Variants in MEOX1 observed in about 807,000 individuals in gnomAD.
MEOX1 encodes the protein mesenchyme homeobox 1.
A neutral mutation model predicts 23.2 loss-of-function variants in MEOX1; 17 were observed. That is an observed-to-expected ratio of 0.73 (90% confidence interval 0.50 to 1.10). The LOEUF (loss-of-function observed/expected upper bound fraction) is 1.10, where lower values mean the gene tolerates loss of function less well. Among genes scored for constraint, MEOX1 ranks in the 50% least tolerant of loss-of-function variants. The pLI is 0.00. For missense variants in MEOX1, 333 were observed against 332.2 expected (o/e 1.00, Z -0.02); for synonymous variants, 134 against 135.1 (o/e 0.99, Z 0.06).
intron 1 of MEOX1, among the ~76,000 whole-genome samples, chr17:43,654,581 AAGGCCG>A (rs911979053): frequency 3.3e-5 from 5 of 152,042 alleles, no homozygotes. Context: ...AGCACTTTGG[AAGGCCG>A]AGGCAGGAGG....
Position 43,650,514 on chromosome 17 carries a change from C to T in MEOX1, c.470-6854G>A, listed in dbSNP as rs376443856. Among the ~76,000 whole-genome samples, 5 of 152,292 alleles carry T rather than the reference C, an allele frequency of 3.3e-5. No homozygotes were observed. In the South Asian group the frequency reaches 8.3e-4, roughly 25 times the overall value. ...CCTGGGACCAGTCTAGGGCTATAGC[C>T]TCATGTCACGCTGCCCTCGGGGGAG... On this transcript the variant is annotated intron_variant, in intron 1 of 2. Coordinates refer to ENST00000318579, the MANE Select transcript of MEOX1 (RefSeq NM_004527.4).
At position 43,661,544 on chromosome 17, in the gene MEOX1, G is replaced by T. The variant is rs781618038; in HGVS notation, c.-10C>A. 3.4e-6 allele frequency: 5 copies of T among 1,486,066 alleles called. No individual in the cohort carries two copies. The highest frequency in any genetic ancestry group is 2.8e-5 in the African/African-American group (2 of 70,836). 92.1% of individuals were successfully genotyped at this position (1,486,066 alleles called of 1,614,324 possible). On this transcript the variant is annotated 5_prime_UTR_variant, in exon 1 of 3. Coordinates refer to ENST00000318579, the MANE Select transcript of MEOX1 (RefSeq NM_004527.4). Reference sequence around the variant, plus strand: ...TGGCCGCGGGATCCATCTGCTGTCCGCTGCACGCCTCGGTCCTTTCAAAGA... The same window carrying T: ...TGGCCGCGGGATCCATCTGCTGTCCTCTGCACGCCTCGGTCCTTTCAAAGA...
chr17:43,660,656 C>G (rs530815531), intron 1 of MEOX1, among the ~76,000 whole-genome samples: 2 of 152,322 alleles, frequency 1.3e-5, no homozygotes, highest in African/African-American at 4.8e-5. Flanking sequence ...CTGAACTTCC[C>G]TGGTAAGCGA....
At position 43,660,506 on chromosome 17, in the gene MEOX1, T is replaced by A. The variant is rs1391029621; in HGVS notation, c.469+560A>T. Among the ~76,000 whole-genome samples the A allele has an allele frequency of 2.6e-5, 4 of 151,888 alleles. No homozygotes were observed. In the South Asian group the frequency reaches 8.3e-4, roughly 32 times the overall value. On this transcript the variant is annotated intron_variant, in intron 1 of 2. Transcript: ENST00000318579. Reference sequence around the variant, plus strand: ...CTGCCCCAAACCTCAGCCCTCCATCTCCCCCTCACCCCTTGATTCTCCCAT... The same window carrying A: ...CTGCCCCAAACCTCAGCCCTCCATCACCCCCTCACCCCTTGATTCTCCCAT...
intron 1 of MEOX1, among the ~76,000 whole-genome samples, chr17:43,644,924 A>T (rs1262468373): frequency 6.6e-6 from 1 of 152,126 alleles, no homozygotes; most frequent in Non-Finnish European, 1.5e-5. Flanking sequence ...TTGAAAAAAA[A>T]ATTTAGGAAG....
chr17:43,644,520 A>T (rs1249931004), intron 1 of MEOX1, among the ~76,000 whole-genome samples: 1 of 152,264 alleles, frequency 6.6e-6, no homozygotes. Context: ...TTTATGGACC[A>T]GAAAACGAAC....
chr17:43,642,880 G>A (rs9894649), intron 2 of MEOX1, among the ~76,000 whole-genome samples: 17,110 of 152,198 alleles, frequency 0.11, 2,282 homozygotes, highest in African/African-American at 0.32. Flanking sequence ...TTTGGGAATA[G>A]CCAGACCGTA....
intron 1 of MEOX1, among the ~76,000 whole-genome samples, chr17:43,657,055 T>TTTCTTTCTTTCC (rs777740594): frequency 1.0e-3 from 139 of 136,426 alleles, no homozygotes; most frequent in South Asian, 3.0e-3. Context: ...TCTTTCTTTC[T>TTTCTTTCTTTCC]TTCCTTCCTT....
At chr17:43,657,205 G>A (rs1286973862) in intron 1 of MEOX1, among the ~76,000 whole-genome samples, 16 of 106,968 alleles carry the variant, frequency 1.5e-4, no homozygotes, top group African/African-American at 5.1e-4. Context: ...GTCCCGCTCT[G>A]TCACCCAGGC....
intron 1 of MEOX1, among the ~76,000 whole-genome samples, chr17:43,653,414 ACAGGCGTGAGCCACCGCATCCAG>A (rs1333646646): frequency 6.6e-6 from 1 of 152,056 alleles, no homozygotes; most frequent in Non-Finnish European, 1.5e-5. Flanking sequence ...AGCTGGGATT[ACAGGCGTGAGCCACCGCATCCAG>A]CCCATGCCTC....
In MEOX1 at chr17:43,641,570, A is replaced by T; in HGVS notation, c.*340T>A. On this transcript the variant is annotated 3_prime_UTR_variant, in exon 3 of 3. Coordinates refer to ENST00000318579, the MANE Select transcript of MEOX1 (RefSeq NM_004527.4). ...CAGGAGGAGGCCTGGCTGACCTAGG[A>T]GAACAGCGGTAGGAGGAGGCATGGG... is the stretch of plus-strand genomic sequence containing the variant. The T allele has an allele frequency of 5.2e-6, 1 of 191,336 alleles. No individual in the cohort carries two copies. Among genetic ancestry groups the T allele is most frequent in the Non-Finnish European group, 1.1e-5 (1 of 92,748 alleles). 11.9% of individuals were successfully genotyped at this position (191,336 alleles called of 1,614,324 possible). A position where few individuals can be genotyped will look rare whatever the true frequency, so the allele number is the denominator to read the frequency against.
At chr17:43,648,386 A>G (rs913007888) in intron 1 of MEOX1, among the ~76,000 whole-genome samples, 8 of 151,522 alleles carry the variant, frequency 5.3e-5, no homozygotes, top group African/African-American at 1.7e-4. Context: ...GGAGAATGGC[A>G]TGAACCTGGG....
chr17:43,661,660 A>G lies in MEOX1; in HGVS notation c.-126T>C. On this transcript the variant is annotated 5_prime_UTR_variant, in exon 1 of 3. Coordinates refer to ENST00000318579, the MANE Select transcript of MEOX1 (RefSeq NM_004527.4). Reference sequence around the variant, plus strand: ...GGGAAAAATGTTCAACAGAAAATTTACCCCAGGAACCAAAAAAAAAAAAAA... The same window carrying G: ...GGGAAAAATGTTCAACAGAAAATTTGCCCCAGGAACCAAAAAAAAAAAAAA... 1 of 526,354 alleles carries G rather than the reference A, an allele frequency of 1.9e-6. No individual in the cohort carries two copies. The allele number at this position is 526,354 out of a possible 1,614,324, so 32.6% of individuals were successfully genotyped here. A position where few individuals can be genotyped will look rare whatever the true frequency, so the allele number is the denominator to read the frequency against.
chr17:43,657,000 CTTTCTTTCTTTCTCTTTCTTTCTT>C (rs1567748184), intron 1 of MEOX1, among the ~76,000 whole-genome samples: 9 of 122,098 alleles, frequency 7.4e-5, no homozygotes, highest in African/African-American at 3.7e-4. Context: ...CTTTCTTTTT[CTTTCTTTCTTTCTCTTTCTTTCTT>C]TCTTTCTTTC....
At position 43,661,823 on chromosome 17, in the gene MEOX1, T is replaced by G. The variant is rs1035945445; in HGVS notation, c.-289A>C. ...CTACTGGGATCCCCTGTATGTGTAT[T>G]TGTCGCCAATGACACTAAACATTTT... is the stretch of plus-strand genomic sequence containing the variant. On this transcript the variant is annotated 5_prime_UTR_variant, in exon 1 of 3. Coordinates refer to ENST00000318579, the MANE Select transcript of MEOX1 (RefSeq NM_004527.4). The G allele has an allele frequency of 6.0e-6, 2 of 335,632 alleles. No homozygotes were observed. The highest frequency in any genetic ancestry group is 4.2e-5 in the African/African-American group (2 of 47,418). 20.8% of individuals were successfully genotyped at this position (335,632 alleles called of 1,614,324 possible).
chr17:43,661,135 A>T lies in MEOX1; in HGVS notation c.400T>A (p.Tyr134Asn). 6.5e-7 allele frequency: 1 copy of T among 1,541,504 alleles called. No individual in the cohort carries two copies. The highest frequency in any genetic ancestry group is 1.8e-4 in the Middle Eastern group (1 of 5,710). ...VDTTGGPGDD[Y>N]GVLGSTANET... ...TTGGCAGTGCTCCCAAGCACCCCGT[A>T]GTCATCGCCTGGGCCTCCTGTGGTG... The change falls in exon 1 of 3, where the codon TAC (tyrosine) becomes AAC (asparagine). Residue 134 changes from tyrosine (Y) to asparagine (N), a missense_variant. Physicochemically the swap from Tyr to Asn is moderately radical, Grantham distance 143. Coordinates refer to ENST00000318579, the MANE Select transcript of MEOX1 (RefSeq NM_004527.4).
chr17:43,649,356 C>T (rs1241166160), intron 1 of MEOX1, among the ~76,000 whole-genome samples: 3 of 131,116 alleles, frequency 2.3e-5, no homozygotes, highest in Non-Finnish European at 4.6e-5. Flanking sequence ...GGAGATTGGT[C>T]ACTGCAATGG....
At position 43,641,707 on chromosome 17, in the gene MEOX1, G is replaced by A. The variant is rs1598257947; in HGVS notation, c.*203C>T. 3.7e-6 allele frequency: 2 copies of A among 547,808 alleles called. No individual in the cohort carries two copies. Among genetic ancestry groups the A allele is most frequent in the East Asian group, 3.1e-5 (1 of 32,128 alleles). The allele number at this position is 547,808 out of a possible 1,614,324, so 33.9% of individuals were successfully genotyped here. ...AGAGTGTGGGAGCAAAGGCCCTAGG[G>A]AAGAGGCTGCTAAGAGGCTGGACAG... On this transcript the variant is annotated 3_prime_UTR_variant, in exon 3 of 3. Coordinates refer to ENST00000318579, the MANE Select transcript of MEOX1 (RefSeq NM_004527.4).
At chr17:43,654,924 C>A (rs767476693) in intron 1 of MEOX1, among the ~76,000 whole-genome samples, 2 of 151,720 alleles carry the variant, frequency 1.3e-5, no homozygotes, top group Non-Finnish European at 2.9e-5. Context: ...TGGTGGTGGG[C>A]GCCTGTAGTC....
Sources: gnomAD v4.1 joint callset for allele counts (sites outside exome capture counted in the v4.1 genomes callset) on GRCh38, gnomAD v4.1.1 for gene constraint, MANE v1.5 for transcripts, NCBI Gene and HGNC (gene_info 2026-07-23, HGNC 2026-07-21) for gene names.